The following CFAP58 variants were observed in gnomAD, a reference collection of about 807,000 sequenced individuals.
The protein encoded by CFAP58 is cilia and flagella associated protein 58.
A neutral mutation model predicts 119.5 loss-of-function variants in CFAP58; 88 were observed. The ratio of observed to expected loss-of-function variants is 0.74; its 90% CI spans 0.62 to 0.88. The LOEUF (loss-of-function observed/expected upper bound fraction) is 0.88. Ranked by LOEUF, CFAP58 falls within the 40% of genes least tolerant of loss-of-function variation. The pLI is 0.00. For missense variants in CFAP58, 990 were observed against 1,021.2 expected (o/e 0.97, Z 0.42); for synonymous variants, 365 against 366.3 (o/e 1.00, Z 0.04).
chr10:104,450,045 T>G, intron 16 of CFAP58, 26 bp from the exon 17 acceptor site: 1 of 1,582,598 alleles, frequency 6.3e-7, no homozygotes, highest in Non-Finnish European at 8.6e-7. Flanking sequence ...TATCTTTTGT[T>G]AATGCTGCTT....
intron 1 of CFAP58, among the ~76,000 whole-genome samples, chr10:104,358,038 CAT>C (rs1315188204): frequency 4.9e-5 from 7 of 142,138 alleles, no homozygotes; most frequent in East Asian, 2.2e-4. Context: ...TACATATGTA[CAT>C]ATACACACAT....
intron 15 of CFAP58, among the ~76,000 whole-genome samples, chr10:104,443,250 G>A (rs547719866): frequency 6.6e-6 from 1 of 152,040 alleles, no homozygotes; most frequent in Non-Finnish European, 1.5e-5. Flanking sequence ...CTCAGAAGCA[G>A]TGGTTATTGA....
intron 12 of CFAP58, among the ~76,000 whole-genome samples, chr10:104,400,260 C>T (rs1005446535): frequency 2.6e-5 from 4 of 152,158 alleles, no homozygotes; most frequent in Admixed American, 1.3e-4. Flanking sequence ...GATCCTCCCA[C>T]CTCAGCTTCC....
intron 15 of CFAP58, among the ~76,000 whole-genome samples, chr10:104,408,608 C>G (rs1346192431): frequency 1.3e-5 from 2 of 152,092 alleles, no homozygotes; most frequent in Non-Finnish European, 2.9e-5. Flanking sequence ...TAAAAAGAAC[C>G]AAATCTTATG....
At chr10:104,343,930 A>G in the CFAP58 span, among the ~76,000 whole-genome samples, 1 of 152,122 alleles carries the variant, frequency 6.6e-6, no homozygotes, top group East Asian at 1.9e-4. Flanking sequence ...TTTTGCAGAG[A>G]TAGGGTCTCA....
chr10:104,380,119 C>G lies in CFAP58; in HGVS notation c.1264C>G (p.Gln422Glu). 1 of 1,614,038 alleles carries G rather than the reference C, an allele frequency of 6.2e-7. No individual in the cohort carries two copies. The highest frequency in any genetic ancestry group is 1.3e-5 in the African/African-American group (1 of 75,012). ...CAAGAGGAACCTGGAGGGAGAAATCCAGAACTACAAGGATGAGGCTCAGAA... is the reference window on the plus strand; with the variant it reads ...CAAGAGGAACCTGGAGGGAGAAATCGAGAACTACAAGGATGAGGCTCAGAA... ...QAKRNLEGEI[Q>E]NYKDEAQKQR... The change falls in exon 9 of 18, where the codon CAG becomes GAG. Residue 422 changes from glutamine to glutamate, a missense_variant. Coordinates refer to ENST00000369704, the MANE Select transcript of CFAP58 (RefSeq NM_001008723.2).
At chr10:104,351,278 A>G (rs1283486608), upstream of CFAP58, among the ~76,000 whole-genome samples, 2 of 152,238 alleles carry the variant, frequency 1.3e-5, no homozygotes, top group Non-Finnish European at 2.9e-5. Context: ...GTGTCAGGTC[A>G]TGAATGAGAT....
Position 104,380,139 on chromosome 10 carries a change from T to C in CFAP58, c.1284T>C (p.Ala428=), listed in dbSNP as rs150751551. Residue 428 remains alanine (A), a synonymous_variant, in exon 9 of 18, where the codon GCT becomes GCC. Coordinates refer to ENST00000369704, the MANE Select transcript of CFAP58 (RefSeq NM_001008723.2). ...EGEIQNYKDE[A]QKQRKIIFHL... ...AAATCCAGAACTACAAGGATGAGGC[T>C]CAGAAGCAGAGAAAGATCATCTTTC... The C allele has an allele frequency of 3.1e-6, 5 of 1,614,028 alleles. No individual in the cohort carries two copies. Among genetic ancestry groups the C allele is most frequent in the African/African-American group, 1.3e-5 (1 of 74,996 alleles).
rs2012460593 is a variant in CFAP58, at chr10:104,411,546, A to G, written c.2256+4753A>G. Among the ~76,000 whole-genome samples, 2 of 152,060 alleles carry G rather than the reference A, an allele frequency of 1.3e-5. 1 individual carries two copies. Among genetic ancestry groups the G allele is most frequent in the South Asian group, 4.1e-4 (2 of 4,824 alleles). On this transcript the variant is annotated intron_variant, in intron 15 of 17. Transcript: ENST00000369704. ...TTGGATTGTGAACTCATTTTCAGAA[A>G]GCCTTTATTTGGGGACTTGGGAATG...
chr10:104,406,544 T>C lies in CFAP58; in HGVS notation c.2152-145T>C. 1.2e-5 allele frequency: 7 copies of C among 605,914 alleles called. No homozygotes were observed. The South Asian group carries it at 1.2e-4, about 10-fold the overall frequency. 37.5% of individuals were successfully genotyped at this position (605,914 alleles called of 1,614,324 possible). Reference sequence around the variant, plus strand: ...GAATTTATGATTTTCTCATCTATTATACTTTATTTTTGGTTCTAATTCTCT... The same window carrying C: ...GAATTTATGATTTTCTCATCTATTACACTTTATTTTTGGTTCTAATTCTCT... On this transcript the variant is annotated intron_variant, in intron 14 of 17. Transcript: ENST00000369704.
intron 2 of CFAP58, 122 bp downstream of exon 2, chr10:104,358,744 A>T (rs2014629559): frequency 6.0e-6 from 5 of 831,890 alleles, no homozygotes; most frequent in Non-Finnish European, 9.0e-6. Context: ...TTTTATATTC[A>T]TTAAGCCTAA....
intron 8 of CFAP58, among the ~76,000 whole-genome samples, chr10:104,377,796 G>C (rs566677455): frequency 2.6e-5 from 4 of 152,238 alleles, no homozygotes; most frequent in African/African-American, 9.6e-5. Context: ...AGACTATTCA[G>C]GGAATCTCAG....
intron 17 of CFAP58, among the ~76,000 whole-genome samples, chr10:104,454,136 T>A (rs1305456250): frequency 6.6e-6 from 1 of 152,208 alleles, no homozygotes; most frequent in Non-Finnish European, 1.5e-5. Flanking sequence ...AACAGGAAGA[T>A]GATTCCAAGT....
intron 15 of CFAP58, among the ~76,000 whole-genome samples, chr10:104,429,986 T>C (rs1177605962): frequency 6.6e-6 from 1 of 152,082 alleles, no homozygotes; most frequent in Non-Finnish European, 1.5e-5. Flanking sequence ...AGTCATTCCC[T>C]TGGCTTTTCA....
At chr10:104,400,994 G>A (rs983347011) in intron 13 of CFAP58, 91 bp downstream of exon 13, 23 of 852,450 alleles carry the variant, frequency 2.7e-5, no homozygotes, top group Non-Finnish European at 3.7e-5. Flanking sequence ...GCTCATTGAA[G>A]GTCTTTATCG....
chr10:104,384,934 A>T (rs1013744575), intron 9 of CFAP58, among the ~76,000 whole-genome samples: 1 of 152,212 alleles, frequency 6.6e-6, no homozygotes, highest in African/African-American at 2.4e-5. Context: ...TCAAGGCAGT[A>T]GGCTGGGTGC....
chr10:104,441,134 C>G (rs969260972), intron 15 of CFAP58, among the ~76,000 whole-genome samples: 2 of 152,216 alleles, frequency 1.3e-5, no homozygotes, highest in Non-Finnish European at 2.9e-5. Flanking sequence ...TCCCAAGTAG[C>G]TGGGATTACA....
chr10:104,417,734 C>T (rs887399094), intron 15 of CFAP58, among the ~76,000 whole-genome samples: 1 of 152,156 alleles, frequency 6.6e-6, no homozygotes, highest in African/African-American at 2.4e-5. Flanking sequence ...TCTGCGCTGC[C>T]CTGTGCTGAG....
intron 4 of CFAP58, among the ~76,000 whole-genome samples, chr10:104,365,218 A>G (rs745617560): frequency 2.0e-5 from 3 of 152,070 alleles, no homozygotes; most frequent in Non-Finnish European, 4.4e-5. Context: ...CTTTGGCCCT[A>G]CTTATTTATT....
Sources: gnomAD v4.1 joint callset for allele counts (sites outside exome capture counted in the v4.1 genomes callset) on GRCh38, gnomAD v4.1.1 for gene constraint, MANE v1.5 for transcripts, NCBI Gene and HGNC (gene_info 2026-07-23, HGNC 2026-07-21) for gene names.